Variants in FKBP9 observed in about 807,000 individuals in gnomAD.
FKBP9 encodes FKBP prolyl isomerase 9.
In FKBP9, 27 loss-of-function variants were observed where a neutral mutation model predicts 55.6. The ratio of observed to expected loss-of-function variants is 0.49; its 90% CI spans 0.36 to 0.67. The LOEUF (loss-of-function observed/expected upper bound fraction) is 0.67. Among genes scored for constraint, FKBP9 ranks in the 30% least tolerant of loss-of-function variants. FKBP9 has a pLI of 0.00. For synonymous variants in FKBP9, 267 were observed against 296.5 expected, an observed-to-expected ratio of 0.90 and a Z score of 1.02; for missense variants, 539 against 742.8, an observed-to-expected ratio of 0.73 and a Z score of 3.19.
chr7:32,969,650 G>A (rs567850651), intron 1 of FKBP9, among the ~76,000 whole-genome samples: 17 of 152,288 alleles, frequency 1.1e-4, no homozygotes, highest in Non-Finnish European at 2.5e-4. Context: ...AAATCAGGAA[G>A]TGTGAAGCCT....
intron 5 of FKBP9, among the ~76,000 whole-genome samples, chr7:32,984,010 T>C (rs1784530529): frequency 6.6e-6 from 1 of 152,230 alleles, no homozygotes; most frequent in Non-Finnish European, 1.5e-5. Context: ...ATTTGTTTGT[T>C]AATTTTGGTT....
intron 1 of FKBP9, among the ~76,000 whole-genome samples, chr7:32,970,672 G>A (rs905826477): frequency 7.1e-6 from 1 of 141,524 alleles, no homozygotes; most frequent in Non-Finnish European, 1.5e-5. Flanking sequence ...TCTGATTTTG[G>A]GGTGTTGATT....
At chr7:32,979,382 C>G in intron 4 of FKBP9, 1 of 697,730 alleles carries the variant, frequency 1.4e-6, no homozygotes, top group South Asian at 1.6e-5. Context: ...TTCTATCTCC[C>G]ACGCATGCGA....
Position 33,005,368 on chromosome 7 carries a change from A to C in FKBP9, c.*17A>C, listed in dbSNP as rs1785016809. The C allele has an allele frequency of 2.5e-6, 4 of 1,613,916 alleles. No homozygotes were observed. In the East Asian group the frequency reaches 8.9e-5, roughly 36 times the overall value. ...GAACTCTAAACCTGGCATGAACCAG[A>C]TGGTGCCAGGGAGTACGTGACACCA... On this transcript the variant is annotated 3_prime_UTR_variant, in exon 10 of 10. Coordinates refer to ENST00000242209, the MANE Select transcript of FKBP9 (RefSeq NM_007270.5).
intron 7 of FKBP9, among the ~76,000 whole-genome samples, chr7:32,997,058 T>G (rs1488531734): frequency 3.3e-5 from 5 of 151,808 alleles, no homozygotes; most frequent in Non-Finnish European, 7.4e-5. Flanking sequence ...CCTCCCAAAG[T>G]GCTGGGATTA....
chr7:33,004,411 C>A (rs1443731039), intron 9 of FKBP9, among the ~76,000 whole-genome samples: 1 of 152,176 alleles, frequency 6.6e-6, no homozygotes, highest in Non-Finnish European at 1.5e-5. Context: ...CCCGGCCACA[C>A]CTGCCCCCAG....
chr7:32,976,454 A>G lies in FKBP9; in HGVS notation c.658A>G (p.Ile220Val), dbSNP rs746207939. The G allele has an allele frequency of 1.2e-6, 2 of 1,613,456 alleles. No homozygotes were observed. The highest frequency in any genetic ancestry group is 1.7e-6 in the Non-Finnish European group (2 of 1,179,710). Residue 220 changes from isoleucine (I) to valine (V), a missense_variant, in exon 4 of 10, where the codon ATC becomes GTC. Ile to Val is a conservative substitution (Grantham distance 29). This residue lies in a region of FKBP9 where 29 missense variants were observed against 65.3 expected (regional missense o/e 0.44). Transcript: ENST00000242209. ...GGGGATGTGTGTGGGTGAGAAGCGC[A>G]TCATCACCATTCCTCCTTTTCTGGC... The part of the protein sequence containing the change: ...LLGMCVGEKR[I>V]ITIPPFLAYG...
chr7:32,999,898 G>T (rs1784900946), intron 7 of FKBP9, among the ~76,000 whole-genome samples: 1 of 152,040 alleles, frequency 6.6e-6, no homozygotes, highest in Non-Finnish European at 1.5e-5. Flanking sequence ...CCACAGTCTT[G>T]CCTGGATTTT....
intron 1 of FKBP9, among the ~76,000 whole-genome samples, chr7:32,969,964 C>T (rs1318869348): frequency 6.6e-6 from 1 of 151,836 alleles, no homozygotes; most frequent in Non-Finnish European, 1.5e-5. Flanking sequence ...TGCACCACTG[C>T]ACTCTAGCCT....
intron 5 of FKBP9, among the ~76,000 whole-genome samples, chr7:32,982,956 C>T (rs1378046747): frequency 4.0e-5 from 6 of 150,102 alleles, no homozygotes; most frequent in South Asian, 4.2e-4. Context: ...TGGGATACAT[C>T]GCTAGAAGAA....
intron 9 of FKBP9, among the ~76,000 whole-genome samples, chr7:33,003,634 T>C (rs2127989712): frequency 6.6e-6 from 1 of 152,300 alleles, no homozygotes; most frequent in South Asian, 2.1e-4. Context: ...AATCCAGTGG[T>C]CAGCTCTTAC....
chr7:32,991,939 C>A (rs549222342), intron 6 of FKBP9, among the ~76,000 whole-genome samples: 2 of 152,082 alleles, frequency 1.3e-5, no homozygotes. Flanking sequence ...CTCATTCAAA[C>A]CTGGAAACAG....
Position 32,957,595 on chromosome 7 carries a change from C to T in FKBP9, c.22C>T (p.Pro8Ser). Residue 8 changes from proline to serine, a missense_variant, in exon 1 of 10, where the codon CCC (proline) becomes TCC (serine). Transcript: ENST00000242209. MAFRGWR[P>S]PPPPLLLLLL... ...CCCGATGGCGTTCCGGGGCTGGAGG[C>T]CCCCGCCGCCACCGCTGCTCCTGCT... 1.4e-6 allele frequency: 2 copies of T among 1,473,512 alleles called. No individual in the cohort carries two copies. Among genetic ancestry groups the T allele is most frequent in the Admixed American group, 2.5e-5 (1 of 40,694 alleles). 91.3% of individuals were successfully genotyped at this position (1,473,512 alleles called of 1,614,324 possible).
intron 1 of FKBP9, among the ~76,000 whole-genome samples, chr7:32,964,640 A>T (rs1784096933): frequency 6.6e-6 from 1 of 151,930 alleles, no homozygotes; most frequent in Non-Finnish European, 1.5e-5. Flanking sequence ...CAGCGTTCTC[A>T]CACTTTCCCG....
chr7:32,980,612 T>C (rs1784457913), intron 5 of FKBP9, 59 bp downstream of exon 5: 1 of 1,578,504 alleles, frequency 6.3e-7, no homozygotes. Flanking sequence ...AAGTCTGCCA[T>C]TGGCTGGACC....
chr7:32,992,634 C>G (rs1784707604), intron 6 of FKBP9: 1 of 185,174 alleles, frequency 5.4e-6, no homozygotes, highest in East Asian at 8.7e-5. Context: ...GAAGTCAGAG[C>G]AAGATAGAGG....
chr7:32,965,063 TC>T (rs1249161452), intron 1 of FKBP9, among the ~76,000 whole-genome samples: 1 of 152,246 alleles, frequency 6.6e-6, no homozygotes, highest in Non-Finnish European at 1.5e-5. Context: ...AAAGGGTAGT[TC>T]CCGTGCCCAG....
chr7:32,970,724 T>C (rs1321416781), intron 1 of FKBP9, among the ~76,000 whole-genome samples: 1 of 151,454 alleles, frequency 6.6e-6, no homozygotes, highest in Non-Finnish European at 1.5e-5. Flanking sequence ...TTAGTTGTTT[T>C]TTTTTCCCCC....
chr7:33,000,302 A>G, intron 8 of FKBP9, 42 bp downstream of exon 8: 2 of 1,535,258 alleles, frequency 1.3e-6, no homozygotes, highest in South Asian at 2.3e-5. Flanking sequence ...GGGCCCGCTT[A>G]CTATCTGAAT....
Sources: gnomAD v4.1 joint callset for allele counts (sites outside exome capture counted in the v4.1 genomes callset) on GRCh38, gnomAD v4.1.1 for gene constraint, gnomAD v4.1.1 regional missense constraint, MANE v1.5 for transcripts, NCBI Gene and HGNC (gene_info 2026-07-23, HGNC 2026-07-21) for gene names.